The following NAALADL2 variants were observed in gnomAD, a reference collection of about 807,000 sequenced individuals.
NAALADL2 encodes N-acetylated alpha-linked acidic dipeptidase like 2.
Under a neutral mutation model 87.2 loss-of-function variants are expected in NAALADL2, and 76 were observed. The ratio of observed to expected loss-of-function variants is 0.87; its 90% CI spans 0.72 to 1.05. NAALADL2 has a LOEUF of 1.05. NAALADL2 is among the 50% of genes least tolerant of loss of function. The probability of loss-of-function intolerance (pLI) is 0.00; values close to 1 mark genes in which losing one functional copy is unlikely to be tolerated. For missense variants in NAALADL2, 1,089 were observed against 945.8 expected (o/e 1.15, Z -1.99); for synonymous variants, 354 against 331.0 (o/e 1.07, Z -0.75).
chr3:174,447,237 A>G (rs1191221609), intron 1 of NAALADL2, among the ~76,000 whole-genome samples: 2 of 152,136 alleles, frequency 1.3e-5, no homozygotes, highest in African/African-American at 2.4e-5. Context: ...GAATTTTTCC[A>G]AAGAGACCCT....
At chr3:174,962,693 T>G (rs1195199122) in intron 1 of NAALADL2, among the ~76,000 whole-genome samples, 1 of 151,926 alleles carries the variant, frequency 6.6e-6, no homozygotes, top group Non-Finnish European at 1.5e-5. Context: ...AAACTTGTTA[T>G]CTCGATTATG....
chr3:174,911,166 G>A (rs772378221), intron 1 of NAALADL2, among the ~76,000 whole-genome samples: 1 of 152,066 alleles, frequency 6.6e-6, no homozygotes, highest in Non-Finnish European at 1.5e-5. Context: ...TGGTGGTCTG[G>A]AGTATGCTTT....
chr3:175,337,317 G>T (rs1403080458), intron 5 of NAALADL2, among the ~76,000 whole-genome samples: 1 of 152,052 alleles, frequency 6.6e-6, no homozygotes, highest in African/African-American at 2.4e-5. Context: ...GAATCCATGT[G>T]ATATTCAGTC....
intron 2 of NAALADL2, among the ~76,000 whole-genome samples, chr3:175,204,998 G>T (rs1740610580): frequency 6.6e-6 from 1 of 152,032 alleles, no homozygotes; most frequent in Non-Finnish European, 1.5e-5. Flanking sequence ...CATAGATGGA[G>T]AATCAATATT....
chr3:175,327,195 G>A (rs538812709), intron 5 of NAALADL2, among the ~76,000 whole-genome samples: 1,382 of 125,198 alleles, frequency 0.011, 8 homozygotes, highest in Non-Finnish European at 0.014. Context: ...TCGCTCTGTC[G>A]CCCAGGCTGG....
chr3:175,367,949 T>C (rs936341059), intron 5 of NAALADL2, among the ~76,000 whole-genome samples: 4 of 152,194 alleles, frequency 2.6e-5, no homozygotes, highest in Non-Finnish European at 4.4e-5. Context: ...TCAAAGGGAA[T>C]GCTTCCAGTT....
intron 1 of NAALADL2, among the ~76,000 whole-genome samples, chr3:174,888,331 G>A (rs575643388): frequency 3.9e-5 from 6 of 152,292 alleles, no homozygotes; most frequent in African/African-American, 1.4e-4. Context: ...GGCCTACAAA[G>A]TGAAATAATG....
chr3:175,430,228 A>C (rs867713661), intron 5 of NAALADL2, among the ~76,000 whole-genome samples: 19 of 151,970 alleles, frequency 1.3e-4, no homozygotes, highest in African/African-American at 1.9e-4. Flanking sequence ...AAATTCTACC[A>C]TTTTATAGTA....
At chr3:174,921,804 CAA>C (rs546555666) in intron 1 of NAALADL2, among the ~76,000 whole-genome samples, 1 of 42,408 alleles carries the variant, frequency 2.4e-5, no homozygotes, top group Admixed American at 2.8e-4. Flanking sequence ...GACTCCGTCT[CAA>C]AAAAAAAAAA....
intron 1 of NAALADL2, among the ~76,000 whole-genome samples, chr3:174,976,463 A>G (rs1405820138): frequency 6.6e-6 from 1 of 152,216 alleles, no homozygotes; most frequent in Non-Finnish European, 1.5e-5. Flanking sequence ...ATGAGGAAGT[A>G]GCATTTCCTA....
At chr3:175,766,498 C>T (rs1438071839) in intron 13 of NAALADL2, among the ~76,000 whole-genome samples, 1 of 152,020 alleles carries the variant, frequency 6.6e-6, no homozygotes, top group East Asian at 1.9e-4. Context: ...ATGAAGTATT[C>T]ATAACTAATA....
chr3:175,276,279 G>A (rs912415468), intron 4 of NAALADL2, among the ~76,000 whole-genome samples: 1 of 149,856 alleles, frequency 6.7e-6, no homozygotes, highest in Non-Finnish European at 1.5e-5. Context: ...CCCTAAAAAG[G>A]TTTTTGTCGC....
At chr3:174,972,319 A>G (rs528998855) in intron 1 of NAALADL2, among the ~76,000 whole-genome samples, 1 of 152,354 alleles carries the variant, frequency 6.6e-6, no homozygotes, top group South Asian at 2.1e-4. Flanking sequence ...TAATGCTGCC[A>G]TAACAAAAAC....
At chr3:174,770,125 C>T (rs762629773) in intron 3 of NAALADL2, among the ~76,000 whole-genome samples, 4 of 152,154 alleles carry the variant, frequency 2.6e-5, no homozygotes, top group Non-Finnish European at 5.9e-5. Flanking sequence ...CACTCATGTA[C>T]ACAAACACAC....
intron 1 of NAALADL2, among the ~76,000 whole-genome samples, chr3:175,036,992 A>G (rs1201790337): frequency 1.3e-5 from 2 of 151,798 alleles, no homozygotes; most frequent in Admixed American, 1.3e-4. Flanking sequence ...TCTCATACAC[A>G]GGTTGGTCGT....
intron 2 of NAALADL2, chr3:175,217,971 T>G (rs952541941): frequency 3.6e-6 from 1 of 278,064 alleles, no homozygotes; most frequent in Admixed American, 4.5e-5. Context: ...GGGACATGAA[T>G]AGATAGTGTC....
chr3:175,635,480 A>G (rs1459451917), intron 11 of NAALADL2, among the ~76,000 whole-genome samples: 2 of 152,164 alleles, frequency 1.3e-5, no homozygotes, highest in African/African-American at 2.4e-5. Flanking sequence ...ATCTAAATAT[A>G]TTACATGCAT....
At chr3:175,300,755 T>A (rs890557260) in intron 4 of NAALADL2, among the ~76,000 whole-genome samples, 46 of 146,378 alleles carry the variant, frequency 3.1e-4, no homozygotes, top group African/African-American at 8.6e-4. Context: ...ATTTATTTAT[T>A]TTTATTTATT....
At chr3:174,776,552 A>AAACT (rs1715232517) in intron 3 of NAALADL2, among the ~76,000 whole-genome samples, 1 of 152,138 alleles carries the variant, frequency 6.6e-6, no homozygotes. Flanking sequence ...GTGAATTAGG[A>AAACT]AACTAATCTG....
Sources: allele counts gnomAD v4.1 joint callset (sites outside exome capture counted in the v4.1 genomes callset), GRCh38; gene constraint gnomAD v4.1.1; transcripts MANE v1.5; gene names NCBI Gene and HGNC (gene_info 2026-07-23, HGNC 2026-07-21).